Variants in TARS3 observed in about 807,000 individuals in gnomAD.
TARS3 encodes the protein threonine--tRNA ligase 2, cytoplasmic.
A neutral mutation model predicts 103.5 loss-of-function variants in TARS3; 94 were observed. The ratio of observed to expected loss-of-function variants is 0.91; its 90% CI spans 0.77 to 1.08. The LOEUF is 1.08. Among genes scored for constraint, TARS3 ranks in the 50% least tolerant of loss-of-function variants. The pLI is 0.00. For synonymous variants in TARS3, 416 were observed against 355.4 expected, an observed-to-expected ratio of 1.17 and a Z score of -1.92; for missense variants, 952 against 995.2, an observed-to-expected ratio of 0.96 and a Z score of 0.58.
At chr15:101,701,591 C>T (rs1180800064) in intron 9 of TARS3, among the ~76,000 whole-genome samples, 1 of 152,156 alleles carries the variant, frequency 6.6e-6, no homozygotes. Context: ...TCACAGCCAC[C>T]CTGCAAGGCT....
chr15:101,686,046 C>T lies in TARS3; in HGVS notation c.1337G>A (p.Arg446Gln), dbSNP rs1006056374. 1.0e-5 allele frequency: 16 copies of T among 1,606,902 alleles called. No homozygotes were observed. The highest frequency in any genetic ancestry group is 1.7e-5 in the Admixed American group (1 of 59,292). ...TDFIREEYHK[R>Q]DFTEVLSPNM... ...GGGAGAGAGCACCTCCGTGAAGTCC[C>T]GTTTGTGATATTCCTCCTTCAAGAT... The change falls in exon 11 of 19, where the codon CGG becomes CAG. Residue 446 changes from arginine to glutamine, a missense_variant. This residue lies in a region of TARS3 where 540 missense variants were observed against 631.0 expected (regional missense o/e 0.86). Coordinates refer to ENST00000335968, the MANE Select transcript of TARS3 (RefSeq NM_152334.3).
intron 5 of TARS3, among the ~76,000 whole-genome samples, chr15:101,709,915 C>A (rs1443366425): frequency 6.6e-6 from 1 of 152,156 alleles, no homozygotes; most frequent in East Asian, 1.9e-4. Context: ...TGGAGTGATA[C>A]GAGTGTCTTT....
At chr15:101,675,103 T>C (rs1247556358) in intron 13 of TARS3, among the ~76,000 whole-genome samples, 1 of 152,190 alleles carries the variant, frequency 6.6e-6, no homozygotes, top group African/African-American at 2.4e-5. Flanking sequence ...TGTGATGATC[T>C]CCTTATCTTG....
At chr15:101,679,797 G>C (rs1258293852) in intron 12 of TARS3, among the ~76,000 whole-genome samples, 1 of 152,186 alleles carries the variant, frequency 6.6e-6, no homozygotes, top group Non-Finnish European at 1.5e-5. Context: ...AGGGAGGACA[G>C]TACTGGACAG....
At chr15:101,668,338 G>A (rs1311246508) in intron 15 of TARS3, among the ~76,000 whole-genome samples, 2 of 152,174 alleles carry the variant, frequency 1.3e-5, no homozygotes, top group African/African-American at 4.8e-5. Context: ...GAATAGGGAA[G>A]GCTGAGGAGA....
At position 101,702,343 on chromosome 15, in the gene TARS3, A is replaced by G; in HGVS notation, c.1117T>C (p.Leu373=). 3.1e-6 allele frequency: 5 copies of G among 1,614,024 alleles called. No individual in the cohort carries two copies. The highest frequency in any genetic ancestry group is 4.2e-6 in the Non-Finnish European group (5 of 1,179,900). ...AAGGATATTCCATAGATCCTCTGCAATGTTTCCATTTCCGGATTGCCCTCC... is the reference window on the plus strand; with the variant it reads ...AAGGATATTCCATAGATCCTCTGCAGTGTTTCCATTTCCGGATTGCCCTCC... ...YWEGNPEMET[L]QRIYGISFPD... The change falls in exon 9 of 19, where the codon TTG becomes CTG. Residue 373 remains leucine (L), a synonymous_variant. Transcript: ENST00000335968.
intron 1 of TARS3, among the ~76,000 whole-genome samples, 198 bp from the exon 2 acceptor site, chr15:101,723,362 C>G (rs533281806): frequency 1.3e-5 from 2 of 152,278 alleles, no homozygotes; most frequent in South Asian, 4.1e-4. Flanking sequence ...TTGCTAAGCA[C>G]ATTTAATATA....
At chr15:101,660,621 C>G (rs921035176) in intron 16 of TARS3, among the ~76,000 whole-genome samples, 1 of 152,190 alleles carries the variant, frequency 6.6e-6, no homozygotes, top group Non-Finnish European at 1.5e-5. Flanking sequence ...AGGGATCCAA[C>G]GTAATCAACC....
Position 101,685,941 on chromosome 15 carries a change from T to C in TARS3, c.1442A>G (p.Glu481Gly). ...GGGTTTGAGGGCAAAAGTGTCCTTTTCAATCTCAAAGGTAAACATGTTCTC... is the reference window on the plus strand; with the variant it reads ...GGGTTTGAGGGCAAAAGTGTCCTTTCCAATCTCAAAGGTAAACATGTTCTC... ...YSENMFTFEI[E>G]KDTFALKPMN... The change falls in exon 11 of 19, where the codon GAA becomes GGA. Residue 481 changes from glutamate to glycine, a missense_variant. Physicochemically the swap from Glu to Gly is moderately conservative, Grantham distance 98. Coordinates refer to ENST00000335968, the MANE Select transcript of TARS3 (RefSeq NM_152334.3). The C allele has an allele frequency of 6.2e-7, 1 of 1,614,068 alleles. No homozygotes were observed. The highest frequency in any genetic ancestry group is 8.5e-7 in the Non-Finnish European group (1 of 1,179,910).
chr15:101,712,078 A>G, intron 4 of TARS3, 77 bp from the exon 5 acceptor site: 2 of 1,487,006 alleles, frequency 1.3e-6, no homozygotes, highest in Non-Finnish European at 1.8e-6. Context: ...GATGTAAACC[A>G]GTAGAAAATT....
At chr15:101,713,711 T>C (rs1377588027) in intron 4 of TARS3, among the ~76,000 whole-genome samples, 1 of 152,182 alleles carries the variant, frequency 6.6e-6, no homozygotes, top group African/African-American at 2.4e-5. Context: ...AAATAAGTTT[T>C]GGGGTTAAAA....
Position 101,658,074 on chromosome 15 carries a change from G to A in TARS3, c.2073-217C>T, listed in dbSNP as rs1163312970. Among the ~76,000 whole-genome samples the A allele has an allele frequency of 2.6e-5, 4 of 152,180 alleles. No individual in the cohort carries two copies. The East Asian group carries it at 7.7e-4, about 29-fold the overall frequency. ...GATAGCACAAGTGCAGGTAGAATGA[G>A]CTGGCAGACAGCCCAAAGGGCTGAG... On this transcript the variant is annotated intron_variant, in intron 16 of 18. Coordinates refer to ENST00000335968, the MANE Select transcript of TARS3 (RefSeq NM_152334.3).
chr15:101,704,855 T>G (rs1285888975), intron 7 of TARS3, among the ~76,000 whole-genome samples: 2 of 150,890 alleles, frequency 1.3e-5, no homozygotes, highest in Non-Finnish European at 3.0e-5. Flanking sequence ...TTCATTTATT[T>G]TTAAGCTTTA....
chr15:101,714,139 G>A (rs1298772239), intron 4 of TARS3, among the ~76,000 whole-genome samples: 1 of 152,082 alleles, frequency 6.6e-6, no homozygotes, highest in East Asian at 1.9e-4. Context: ...TTATTTTATA[G>A]AAAATTATAT....
chr15:101,723,839 G>T (rs980498501), intron 1 of TARS3, among the ~76,000 whole-genome samples: 2 of 152,340 alleles, frequency 1.3e-5, no homozygotes, highest in South Asian at 4.1e-4. Flanking sequence ...AAAAAGATGC[G>T]TGGCAGGCTC....
At chr15:101,717,514 ACATGTGGC>A (rs1287224667) in intron 3 of TARS3, among the ~76,000 whole-genome samples, 1 of 152,236 alleles carries the variant, frequency 6.6e-6, no homozygotes, top group Non-Finnish European at 1.5e-5. Flanking sequence ...CCTTGCAGCT[ACATGTGGC>A]CATGTGGCCA....
chr15:101,721,390 A>T, intron 2 of TARS3, 68 bp from the exon 3 acceptor site: 1 of 1,255,072 alleles, frequency 8.0e-7, no homozygotes, highest in Non-Finnish European at 1.1e-6. Flanking sequence ...CTCAGCTCTG[A>T]ATCAGGCTCA....
At chr15:101,683,490 G>C (rs193261710) in intron 12 of TARS3, among the ~76,000 whole-genome samples, 8 of 152,208 alleles carry the variant, frequency 5.3e-5, no homozygotes, top group African/African-American at 1.7e-4. Context: ...TATTCTACGT[G>C]CAATTTCAAA....
intron 6 of TARS3, among the ~76,000 whole-genome samples, chr15:101,706,125 T>C (rs1899547910): frequency 6.6e-6 from 1 of 152,154 alleles, no homozygotes; most frequent in South Asian, 2.1e-4. Context: ...CATGCCTGTA[T>C]TGTATTTTTG....
Sources: gnomAD v4.1 joint callset for allele counts (sites outside exome capture counted in the v4.1 genomes callset) on GRCh38, gnomAD v4.1.1 for gene constraint, gnomAD v4.1.1 regional missense constraint, MANE v1.5 for transcripts, NCBI Gene and HGNC (gene_info 2026-07-23, HGNC 2026-07-21) for gene names.